The following SDK1 variants were observed in gnomAD, a reference collection of about 807,000 sequenced individuals.
The protein encoded by SDK1 is protein sidekick-1.
SDK1 carries 157 observed loss-of-function variants against 245.5 expected under a neutral mutation model. The ratio of observed to expected loss-of-function variants is 0.64; its 90% CI spans 0.56 to 0.73. The LOEUF (loss-of-function observed/expected upper bound fraction) is 0.73. Among genes scored for constraint, SDK1 ranks in the 30% least tolerant of loss-of-function variants. The pLI is 0.00. For missense variants in SDK1, 3,583 were observed against 3,002.3 expected (o/e 1.19, Z -4.52); for synonymous variants, 1,647 against 1,278.5 (o/e 1.29, Z -6.15).
intron 4 of SDK1, among the ~76,000 whole-genome samples, chr7:3,776,148 G>A (rs1489952099): frequency 6.6e-6 from 1 of 152,230 alleles, no homozygotes; most frequent in Non-Finnish European, 1.5e-5. Context: ...TCTGTTGAAT[G>A]AATACATGAC....
intron 30 of SDK1, 108 bp downstream of exon 30, chr7:4,149,571 T>C: frequency 1.5e-6 from 1 of 667,748 alleles, no homozygotes; most frequent in Non-Finnish European, 2.3e-6. Context: ...GGTGCACCCC[T>C]GAGAGCACAG....
At chr7:3,368,020 C>T (rs567039941) in intron 1 of SDK1, among the ~76,000 whole-genome samples, 2 of 152,300 alleles carry the variant, frequency 1.3e-5, no homozygotes, top group South Asian at 4.1e-4. Context: ...GGTGCCATCA[C>T]ATCATCAGAT....
intron 16 of SDK1, 88 bp from the exon 17 acceptor site, chr7:4,017,083 C>A: frequency 7.8e-7 from 1 of 1,276,552 alleles, no homozygotes; most frequent in Non-Finnish European, 1.1e-6. Context: ...ACTTCCATTT[C>A]CCCCTAACCC....
intron 14 of SDK1, among the ~76,000 whole-genome samples, chr7:3,995,687 G>C (rs1299988567): frequency 6.6e-6 from 1 of 152,182 alleles, no homozygotes. Context: ...GGTCTTCTGA[G>C]GGTTGTTTTA....
In SDK1 at chr7:3,437,240, G is replaced by GT. The variant is rs200790621; in HGVS notation, c.298+135365dup. 5.3e-3 allele frequency among the ~76,000 whole-genome samples: 809 copies of GT among 151,758 alleles called. 7 individuals carry two copies. The highest frequency in any genetic ancestry group is 0.018 in the African/African-American group (758 of 41,400). ...AAAACCTGAGTGGTAAGTAATAAAA[G>GT]TTTTTTTTTCTCTTAAAAAGTCTTA... On this transcript the variant is annotated intron_variant, in intron 1 of 44. Transcript: ENST00000404826.
intron 5 of SDK1, among the ~76,000 whole-genome samples, chr7:3,889,427 G>A (rs1583516501): frequency 6.6e-6 from 1 of 152,344 alleles, no homozygotes; most frequent in East Asian, 1.9e-4. Flanking sequence ...CTTCATGGCA[G>A]CTGTAGCTGC....
chr7:3,474,158 G>A (rs866814155), intron 1 of SDK1, among the ~76,000 whole-genome samples: 33 of 141,720 alleles, frequency 2.3e-4, no homozygotes, highest in African/African-American at 7.1e-4. Flanking sequence ...GCTGGGGCGC[G>A]GTGGCTCAAT....
At chr7:4,014,618 A>G (rs1420413294) in intron 16 of SDK1, among the ~76,000 whole-genome samples, 1 of 152,376 alleles carries the variant, frequency 6.6e-6, no homozygotes, top group East Asian at 1.9e-4. Context: ...GGCTCCAGCC[A>G]TAAGAAGTAG....
chr7:4,163,403 G>A (rs538496384), intron 32 of SDK1, among the ~76,000 whole-genome samples: 1 of 152,222 alleles, frequency 6.6e-6, no homozygotes, highest in African/African-American at 2.4e-5. Context: ...GCCTTGGAGG[G>A]CGAGGGGATG....
intron 17 of SDK1, among the ~76,000 whole-genome samples, chr7:4,019,134 G>A (rs1386859901): frequency 6.6e-6 from 1 of 152,160 alleles, no homozygotes; most frequent in Non-Finnish European, 1.5e-5. Context: ...CCTGTACAGT[G>A]GGACTGGGTA....
At position 3,672,127 on chromosome 7, in the gene SDK1, G is replaced by C. The variant is rs539447581; in HGVS notation, c.713+30022G>C. 2.6e-5 allele frequency among the ~76,000 whole-genome samples: 4 copies of C among 152,166 alleles called. No individual in the cohort carries two copies. In the East Asian group the frequency reaches 7.7e-4, roughly 29 times the overall value. On this transcript the variant is annotated intron_variant, in intron 4 of 44. Transcript: ENST00000404826. ...TTTCCTGGTAACTCTGAGGAGTGGC[G>C]GGTCATGGTGTGGTGACCATTGGTC...
In SDK1 at chr7:3,951,958, C is replaced by G. The variant is rs1489118742; in HGVS notation, c.1150+38C>G. 3.8e-6 allele frequency: 6 copies of G among 1,562,324 alleles called. No homozygotes were observed. In the African/African-American group the frequency reaches 6.9e-5, roughly 18 times the overall value. ...CCTCTAAGTGGTGTTGCCAGCATCTCAGATAGCATCCGACACTGACTCTTC... is the reference window on the plus strand; with the variant it reads ...CCTCTAAGTGGTGTTGCCAGCATCTGAGATAGCATCCGACACTGACTCTTC... On this transcript the variant is annotated intron_variant, in intron 7 of 44. Transcript: ENST00000404826.
intron 22 of SDK1, among the ~76,000 whole-genome samples, chr7:4,102,313 G>A (rs1255583175): frequency 2.6e-5 from 4 of 152,156 alleles, no homozygotes; most frequent in South Asian, 2.1e-4. Context: ...TGGTGGGCAC[G>A]GGGAGGAGCC....
At chr7:4,099,884 G>T (rs943448401) in intron 22 of SDK1, among the ~76,000 whole-genome samples, 1 of 151,618 alleles carries the variant, frequency 6.6e-6, no homozygotes, top group African/African-American at 2.4e-5. Flanking sequence ...CACCGAGCTC[G>T]CTGGCATGTG....
intron 17 of SDK1, among the ~76,000 whole-genome samples, chr7:4,033,515 T>A (rs1169321601): frequency 6.6e-6 from 1 of 152,040 alleles, no homozygotes; most frequent in African/African-American, 2.4e-5. Context: ...AAAAATACAA[T>A]GAGCAAAGGA....
At chr7:3,818,028 A>AGT (rs1779552598) in intron 4 of SDK1, among the ~76,000 whole-genome samples, 1 of 152,226 alleles carries the variant, frequency 6.6e-6, no homozygotes, top group South Asian at 2.1e-4. Flanking sequence ...ATGATGTAGC[A>AGT]GTGTCTTCTC....
chr7:3,690,404 T>C (rs1406232299), intron 4 of SDK1, among the ~76,000 whole-genome samples: 5 of 152,318 alleles, frequency 3.3e-5, no homozygotes, highest in South Asian at 2.1e-4. Context: ...TTGAGACTTA[T>C]TGTTAATGTT....
chr7:4,185,103 C>A, intron 35 of SDK1, among the ~76,000 whole-genome samples: 1 of 152,198 alleles, frequency 6.6e-6, no homozygotes, highest in Non-Finnish European at 1.5e-5. Flanking sequence ...CCACCTGGGC[C>A]AACTGTGAAG....
At chr7:3,610,048 C>G (rs756555334) in intron 1 of SDK1, among the ~76,000 whole-genome samples, 9 of 152,194 alleles carry the variant, frequency 5.9e-5, no homozygotes, top group Non-Finnish European at 1.0e-4. Flanking sequence ...GCTCTAAACT[C>G]AAATCACATA....
Sources: gnomAD v4.1 joint callset for allele counts (sites outside exome capture counted in the v4.1 genomes callset) on GRCh38, gnomAD v4.1.1 for gene constraint, MANE v1.5 for transcripts, NCBI Gene and HGNC (gene_info 2026-07-23, HGNC 2026-07-21) for gene names.